PCDH9: variants seen among roughly 807,000 people sequenced by gnomAD.
The protein encoded by PCDH9 is protocadherin 9, also known as protocadherin-9.
PCDH9 carries 24 observed loss-of-function variants against 70.6 expected under a neutral mutation model. That is an observed-to-expected ratio of 0.34 (90% confidence interval 0.25 to 0.48). The LOEUF (loss-of-function observed/expected upper bound fraction) is 0.48, where lower values mean the gene tolerates loss of function less well. Among genes scored for constraint, PCDH9 ranks in the 20% least tolerant of loss-of-function variants. PCDH9 has a pLI of 0.99. For missense variants in PCDH9, 1,281 were observed against 1,503.6 expected (o/e 0.85, Z 2.45); for synonymous variants, 562 against 558.5 (o/e 1.01, Z -0.09).
chr13:66,843,355 TACACACAC>T (rs10580677), intron 3 of PCDH9, among the ~76,000 whole-genome samples: 6 of 151,244 alleles, frequency 4.0e-5, no homozygotes, highest in Non-Finnish European at 7.4e-5. Flanking sequence ...TGCACATACA[TACACACAC>T]ACACACACAC....
chr13:67,004,944 T>G (rs2084321616), intron 2 of PCDH9, among the ~76,000 whole-genome samples: 1 of 152,138 alleles, frequency 6.6e-6, no homozygotes, highest in African/African-American at 2.4e-5. Context: ...AAGGGGACTA[T>G]TTTGAAGTGG....
At chr13:66,924,930 C>T (rs2082693314) in intron 2 of PCDH9, among the ~76,000 whole-genome samples, 1 of 151,634 alleles carries the variant, frequency 6.6e-6, no homozygotes, top group Admixed American at 6.6e-5. Context: ...TAATACTTTT[C>T]AATACCGACA....
chr13:67,083,784 C>T (rs1303732674), intron 2 of PCDH9, among the ~76,000 whole-genome samples: 2 of 152,146 alleles, frequency 1.3e-5, no homozygotes, highest in Non-Finnish European at 2.9e-5. Context: ...AGATTCCAAA[C>T]ATAAACATGA....
At chr13:66,332,369 G>A (rs533388406) in intron 4 of PCDH9, among the ~76,000 whole-genome samples, 49 of 152,040 alleles carry the variant, frequency 3.2e-4, no homozygotes, top group Non-Finnish European at 4.9e-4. Context: ...TCATTTTGTC[G>A]AAAGAGAATG....
At chr13:66,649,649 C>T (rs527253432) in intron 3 of PCDH9, among the ~76,000 whole-genome samples, 21 of 151,966 alleles carry the variant, frequency 1.4e-4, no homozygotes, top group African/African-American at 4.6e-4. Flanking sequence ...TAGTAAGTAA[C>T]GGAAAAACAC....
chr13:66,896,909 TACCAACACAC>T (rs1293787369), intron 3 of PCDH9, among the ~76,000 whole-genome samples: 1 of 152,200 alleles, frequency 6.6e-6, no homozygotes, highest in African/African-American at 2.4e-5. Context: ...CTCATTTTTC[TACCAACACAC>T]ACCAACACAT....
intron 4 of PCDH9, among the ~76,000 whole-genome samples, chr13:66,462,412 G>T (rs1958441583): frequency 6.6e-6 from 1 of 151,474 alleles, no homozygotes; most frequent in African/African-American, 2.4e-5. Context: ...AGTTAGGTTG[G>T]AACATAAGTT....
At chr13:66,792,415 A>T (rs1381851416) in intron 3 of PCDH9, among the ~76,000 whole-genome samples, 1 of 152,152 alleles carries the variant, frequency 6.6e-6, no homozygotes, top group Non-Finnish European at 1.5e-5. Context: ...CATGCCTGTA[A>T]TCCCAGCCCT....
chr13:66,504,757 C>T (rs190226571), intron 4 of PCDH9, among the ~76,000 whole-genome samples: 62 of 152,218 alleles, frequency 4.1e-4, no homozygotes, highest in African/African-American at 1.3e-3. Context: ...TGAATGCTAC[C>T]TGCTGAGAAA....
intron 4 of PCDH9, among the ~76,000 whole-genome samples, chr13:66,412,527 A>G (rs2138326571): frequency 6.6e-6 from 1 of 152,318 alleles, no homozygotes. Flanking sequence ...TTATCATAGT[A>G]TATTTGCAGC....
intron 4 of PCDH9, among the ~76,000 whole-genome samples, chr13:66,337,694 T>G: frequency 6.6e-6 from 1 of 152,054 alleles, no homozygotes; most frequent in East Asian, 1.9e-4. Flanking sequence ...AAGGACATCT[T>G]AAGTAATTTA....
chr13:66,568,484 C>T (rs895155588), intron 4 of PCDH9, among the ~76,000 whole-genome samples: 3 of 149,186 alleles, frequency 2.0e-5, no homozygotes, highest in Admixed American at 6.7e-5. Flanking sequence ...ATGATTTGCA[C>T]CAGCCTAAGC....
intron 4 of PCDH9, among the ~76,000 whole-genome samples, chr13:66,450,211 C>A (rs749570971): frequency 4.1e-4 from 62 of 152,030 alleles, no homozygotes; most frequent in Non-Finnish European, 6.5e-4. Context: ...TTAGTTAATA[C>A]CACAATAAAC....
rs148111849 is a variant in PCDH9, at chr13:66,967,056, G to T, written c.3037-63451C>A. Among the ~76,000 whole-genome samples the T allele has an allele frequency of 2.3e-4, 35 of 152,012 alleles. 1 individual carries two copies. Among genetic ancestry groups the T allele is most frequent in the African/African-American group, 7.5e-4 (31 of 41,498 alleles). On this transcript the variant is annotated intron_variant, in intron 2 of 4. Transcript: ENST00000377865. ...TAAAAGAAAAGGAACAAGGAAGGAG[G>T]ACTATGCCAAGGTAGCTCCCAACCT... is the stretch of plus-strand genomic sequence containing the variant.
chr13:66,414,697 G>A (rs1211945988), intron 4 of PCDH9, among the ~76,000 whole-genome samples: 2 of 152,124 alleles, frequency 1.3e-5, no homozygotes, highest in Non-Finnish European at 2.9e-5. Flanking sequence ...TGAGAGATAA[G>A]ACTTGCTCAT....
At chr13:66,686,876 T>C (rs778003915) in intron 3 of PCDH9, among the ~76,000 whole-genome samples, 9 of 152,142 alleles carry the variant, frequency 5.9e-5, no homozygotes, top group Non-Finnish European at 1.5e-5. Context: ...AAAATACATA[T>C]TGTTAAAATT....
At chr13:66,466,694 C>A (rs540159681) in intron 4 of PCDH9, among the ~76,000 whole-genome samples, 8 of 152,130 alleles carry the variant, frequency 5.3e-5, no homozygotes, top group African/African-American at 1.7e-4. Flanking sequence ...GCTCACATTA[C>A]TTTTTAAAAA....
chr13:66,824,651 G>GATATAT lies in PCDH9; in HGVS notation c.3138+78847_3138+78852dup, dbSNP rs67211029. The stretch of plus-strand genomic sequence containing the variant: ...ACCTGGGCAACAAGAGCGAAACTCT[G>GATATAT]ATATATATATATATATATATATATA... On this transcript the variant is annotated intron_variant, in intron 3 of 4. Transcript: ENST00000377865. Among the ~76,000 whole-genome samples, 372 of 98,812 alleles carry GATATAT rather than the reference G, an allele frequency of 3.8e-3. 3 individuals are homozygous for GATATAT. Among genetic ancestry groups the GATATAT allele is most frequent in the Middle Eastern group, 4.8e-3 (1 of 210 alleles). The allele number at this position is 98,812 out of a possible 152,430, so 64.8% of individuals were successfully genotyped here.
At chr13:66,369,699 A>G (rs1956613297) in intron 4 of PCDH9, among the ~76,000 whole-genome samples, 1 of 152,152 alleles carries the variant, frequency 6.6e-6, no homozygotes, top group Non-Finnish European at 1.5e-5. Context: ...CTTAAAAGTA[A>G]CTGAACTTAA....
Sources: gnomAD v4.1 joint callset for allele counts (sites outside exome capture counted in the v4.1 genomes callset) on GRCh38, gnomAD v4.1.1 for gene constraint, MANE v1.5 for transcripts, NCBI Gene and HGNC (gene_info 2026-07-23, HGNC 2026-07-21) for gene names.